Variants in COBLL1 observed in about 807,000 individuals in gnomAD.
COBLL1 encodes cordon-bleu WH2 repeat protein like 1.
COBLL1 carries 50 observed loss-of-function variants against 94.8 expected under a neutral mutation model. That is an observed-to-expected ratio of 0.53 (90% CI 0.42 to 0.67). The LOEUF is 0.67. Ranked by LOEUF, COBLL1 falls within the 30% of genes least tolerant of loss-of-function variation. COBLL1 has a pLI of 0.00. For missense variants in COBLL1, 1,362 were observed against 1,348.7 expected (o/e 1.01, Z -0.15); for synonymous variants, 448 against 473.8 (o/e 0.95, Z 0.71).
In COBLL1 at chr2:164,728,192, A is replaced by C. The variant is rs773516392; in HGVS notation, c.438T>G (p.Thr146=). The change falls in exon 5 of 14, where the codon ACT becomes ACG. Residue 146 remains threonine (T), a synonymous_variant. Coordinates refer to ENST00000652658, the MANE Select transcript of COBLL1 (RefSeq NM_001365672.2). ...KKPTPIIPEK[T]VRVVINFKKT... The stretch of plus-strand genomic sequence containing the variant: ...TCTTAAAATTAATCACTACTCTCAC[A>C]GTTTTCTGAAACACATATTAAAGCC... 2.5e-6 allele frequency: 4 copies of C among 1,604,672 alleles called. No homozygotes were observed. In the Admixed American group the frequency reaches 6.7e-5, roughly 27 times the overall value.
chr2:164,757,211 A>T (rs756232557), intron 2 of COBLL1, among the ~76,000 whole-genome samples: 1 of 152,180 alleles, frequency 6.6e-6, no homozygotes, highest in Non-Finnish European at 1.5e-5. Context: ...ATATACCTTC[A>T]TTGGAACTTT....
At chr2:164,749,338 C>T (rs1162965583) in intron 2 of COBLL1, among the ~76,000 whole-genome samples, 1 of 152,016 alleles carries the variant, frequency 6.6e-6, no homozygotes, top group Non-Finnish European at 1.5e-5. Context: ...TGAGTGAATT[C>T]TCAGTCTTAA....
At position 164,694,695 on chromosome 2, in the gene COBLL1, C is replaced by T; in HGVS notation, c.2697G>A (p.Leu899=). Residue 899 remains leucine (L), a synonymous_variant, in exon 12 of 14, where the codon CTG becomes CTA. Coordinates refer to ENST00000652658, the MANE Select transcript of COBLL1 (RefSeq NM_001365672.2). ...HAAPNPAPKE[L]TNKEAERDML... ...TATCCCTTTCTGCCTCTTTATTTGT[C>T]AGTTCTTTTGGAGCAGGATTAGGGG... The T allele has an allele frequency of 6.2e-7, 1 of 1,613,810 alleles. No homozygotes were observed. Among genetic ancestry groups the T allele is most frequent in the East Asian group, 2.2e-5 (1 of 44,866 alleles).
intron 1 of COBLL1, among the ~76,000 whole-genome samples, chr2:164,675,142 GACCA>G (rs1691316295): frequency 6.6e-6 from 1 of 152,114 alleles, no homozygotes; most frequent in Admixed American, 6.5e-5. Flanking sequence ...AAAATGAGGA[GACCA>G]ACAGCCAGTG....
chr2:164,708,354 G>C (rs1684711235), intron 7 of COBLL1, among the ~76,000 whole-genome samples: 1 of 151,948 alleles, frequency 6.6e-6, no homozygotes, highest in African/African-American at 2.4e-5. Flanking sequence ...CCTGACTGGG[G>C]TAGGCATGGG....
At chr2:164,754,591 A>T (rs1687297718) in intron 2 of COBLL1, among the ~76,000 whole-genome samples, 1 of 152,110 alleles carries the variant, frequency 6.6e-6, no homozygotes, top group African/African-American at 2.4e-5. Context: ...CAACCAGCAA[A>T]CTAGAGAATG....
intron 3 of COBLL1, among the ~76,000 whole-genome samples, chr2:164,740,891 G>A (rs1686552981): frequency 6.6e-6 from 1 of 150,848 alleles, no homozygotes; most frequent in Admixed American, 6.6e-5. Context: ...ACACGAGGGG[G>A]GGAAAAGTTC....
intron 2 of COBLL1, among the ~76,000 whole-genome samples, chr2:164,775,218 T>C (rs1688407682): frequency 6.6e-6 from 1 of 151,754 alleles, no homozygotes; most frequent in Non-Finnish European, 1.5e-5. Context: ...GTGAGCCCAC[T>C]TCCATCTGGC....
intron 2 of COBLL1, among the ~76,000 whole-genome samples, chr2:164,766,752 C>A (rs1224102148): frequency 6.6e-6 from 1 of 152,174 alleles, no homozygotes; most frequent in African/African-American, 2.4e-5. Context: ...TCTCTGACTA[C>A]TCCTGCTTTC....
At chr2:164,730,983 T>C (rs556593233) in intron 3 of COBLL1, among the ~76,000 whole-genome samples, 4 of 152,336 alleles carry the variant, frequency 2.6e-5, no homozygotes, top group African/African-American at 9.6e-5. Context: ...TCTGTTCTCA[T>C]AGATCTAACA....
chr2:164,833,108 C>CA (rs1379676875), intron 2 of COBLL1, among the ~76,000 whole-genome samples: 8 of 152,092 alleles, frequency 5.3e-5, no homozygotes, highest in African/African-American at 1.9e-4. Flanking sequence ...CCTGTAATCC[C>CA]AGCACTTTAG....
intron 2 of COBLL1, among the ~76,000 whole-genome samples, chr2:164,801,495 A>G (rs1037979431): frequency 7.0e-6 from 1 of 143,754 alleles, no homozygotes; most frequent in Non-Finnish European, 1.5e-5. Flanking sequence ...GTGGCAACAC[A>G]CCTGTAGTCC....
chr2:164,687,560 G>GT, intron 13 of COBLL1: 1 of 1,244,300 alleles, frequency 8.0e-7, no homozygotes, highest in East Asian at 2.4e-5. Context: ...GTGCCCTGGG[G>GT]TTTTCCAAAG....
chr2:164,658,889 A>T (rs1255600310), intron 2 of COBLL1, among the ~76,000 whole-genome samples: 1 of 152,034 alleles, frequency 6.6e-6, no homozygotes, highest in African/African-American at 2.4e-5. Context: ...TCTCTAATGG[A>T]GGGTCCTGCC....
chr2:164,816,852 T>G (rs1032113473), intron 2 of COBLL1, among the ~76,000 whole-genome samples: 1 of 152,126 alleles, frequency 6.6e-6, no homozygotes, highest in Admixed American at 6.5e-5. Context: ...CTCAAGGCAC[T>G]TTGTACCACG....
At chr2:164,805,340 T>TATGTATAAATATATATAA (rs1684071377) in intron 2 of COBLL1, among the ~76,000 whole-genome samples, 1 of 66,822 alleles carries the variant, frequency 1.5e-5, no homozygotes, top group African/African-American at 5.0e-5. Context: ...TCTCTCTCTA[T>TATGTATAAATATATATAA]ATATATATAT....
intron 2 of COBLL1, among the ~76,000 whole-genome samples, chr2:164,784,397 A>G (rs1410969799): frequency 6.6e-6 from 1 of 152,138 alleles, no homozygotes; most frequent in Non-Finnish European, 1.5e-5. Context: ...TCATTTCTTT[A>G]AGGCATAATT....
chr2:164,696,570 A>C (rs187721756), intron 11 of COBLL1: 1 of 152,318 alleles, frequency 6.6e-6, no homozygotes, highest in East Asian at 1.9e-4. Context: ...CTTATTCTAC[A>C]GTCAGAGTCA....
In COBLL1 at chr2:164,695,084, G is replaced by C; in HGVS notation, c.2308C>G (p.His770Asp). ...DMHALGKKHT[H>D]ENVKETAIQT... Reference sequence around the variant, plus strand: ...ATGGCAGTTTCTTTCACATTCTCATGAGTGTGCTTTTTCCCTAAAGCATGC... The same window carrying C: ...ATGGCAGTTTCTTTCACATTCTCATCAGTGTGCTTTTTCCCTAAAGCATGC... The change falls in exon 12 of 14, where the codon CAT becomes GAT. Residue 770 changes from histidine (H) to aspartate (D), a missense_variant. Physicochemically the swap from His to Asp is moderately conservative, Grantham distance 81. Coordinates refer to ENST00000652658, the MANE Select transcript of COBLL1 (RefSeq NM_001365672.2). 1.2e-6 allele frequency: 2 copies of C among 1,613,812 alleles called. No homozygotes were observed.
Sources: gnomAD v4.1 joint callset for allele counts (sites outside exome capture counted in the v4.1 genomes callset) on GRCh38, gnomAD v4.1.1 for gene constraint, MANE v1.5 for transcripts, NCBI Gene and HGNC (gene_info 2026-07-23, HGNC 2026-07-21) for gene names.